GRIN2D: variants seen among roughly 807,000 people sequenced by gnomAD.
The protein encoded by GRIN2D is glutamate receptor ionotropic, NMDA 2D.
GRIN2D carries 37 observed loss-of-function variants against 103.2 expected under a neutral mutation model. The ratio of observed to expected loss-of-function variants is 0.36; its 90% confidence interval spans 0.28 to 0.47. GRIN2D has a LOEUF of 0.47. Ranked by LOEUF, GRIN2D falls within the 20% of genes least tolerant of loss-of-function variation. The pLI is 1.00. For synonymous variants in GRIN2D, 845 were observed against 885.6 expected, an observed-to-expected ratio of 0.95 and a Z score of 0.81; for missense variants, 1,557 against 1,910.6, an observed-to-expected ratio of 0.81 and a Z score of 3.45.
chr19:48,444,032 A>G lies in GRIN2D; in HGVS notation c.*95A>G. 1 of 837,104 alleles carries G rather than the reference A, an allele frequency of 1.2e-6. No homozygotes were observed. The highest frequency in any genetic ancestry group is 1.7e-6 in the Non-Finnish European group (1 of 600,082). 51.9% of individuals were successfully genotyped at this position (837,104 alleles called of 1,614,324 possible). ...ACAGGACCCGCGTGGGTTGGGAAGGAAAGCAGTGGAACTGGCCGGACCCCG... is the reference window on the plus strand; with the variant it reads ...ACAGGACCCGCGTGGGTTGGGAAGGGAAGCAGTGGAACTGGCCGGACCCCG... On this transcript the variant is annotated 3_prime_UTR_variant, in exon 14 of 14. Coordinates refer to ENST00000263269, the MANE Select transcript of GRIN2D (RefSeq NM_000836.4). The surrounding 1 kb of genome is among the most constrained non-coding windows in gnomAD (Gnocchi z 5.5).
In GRIN2D at chr19:48,414,066, G is replaced by C. The variant is rs752291617; in HGVS notation, c.1161G>C (p.Leu387=). The change falls in exon 5 of 14, where the codon CTG becomes CTC. Residue 387 remains leucine, a synonymous_variant. Transcript: ENST00000263269. This position sits in a 1 kb window ranked among gnomAD's most constrained non-coding sequence, Gnocchi z 4.6. The stretch of plus-strand genomic sequence containing the variant: ...ACGGCTTCCTAGTGAACCCCTCCCT[G>C]GTGGTCATCTCCCTCACCAGAGACA... ...NEDGFLVNPS[L]VVISLTRDRT... 1.3e-5 allele frequency: 21 copies of C among 1,611,906 alleles called. No homozygotes were observed. In the East Asian group the frequency reaches 4.7e-4, roughly 36 times the overall value.
intron 11 of GRIN2D, among the ~76,000 whole-genome samples, chr19:48,428,559 C>T (rs1306445439): frequency 6.6e-6 from 1 of 151,768 alleles, no homozygotes; most frequent in Non-Finnish European, 1.5e-5. Flanking sequence ...GACGGAGTTT[C>T]ACCATATTGC....
intron 11 of GRIN2D, among the ~76,000 whole-genome samples, chr19:48,439,424 C>A (rs1445060317): frequency 6.6e-6 from 1 of 152,128 alleles, no homozygotes; most frequent in Non-Finnish European, 1.5e-5. Flanking sequence ...ATGCCAGGAA[C>A]TATGCCCCAG....
chr19:48,442,537 G>A lies in GRIN2D; in HGVS notation c.2674-63G>A. Reference sequence around the variant, plus strand: ...TAAATGGAGAGGAGAGAGGGACTGAGGGGAGGCGGGCAGGCGTCCTGGGCA... The same window carrying A: ...TAAATGGAGAGGAGAGAGGGACTGAAGGGAGGCGGGCAGGCGTCCTGGGCA... On this transcript the variant is annotated intron_variant, in intron 13 of 13. Transcript: ENST00000263269. The surrounding 1 kb of genome is among the most constrained non-coding windows in gnomAD (Gnocchi z 7.2). 11 of 1,478,542 alleles carry A rather than the reference G, an allele frequency of 7.4e-6. No homozygotes were observed. The highest frequency in any genetic ancestry group is 9.8e-6 in the Non-Finnish European group (11 of 1,118,756). The allele number at this position is 1,478,542 out of a possible 1,614,324, so 91.6% of individuals were successfully genotyped here. A position where few individuals can be genotyped will look rare whatever the true frequency, so the allele number is the denominator to read the frequency against.
chr19:48,423,186 G>C (rs1971043821), intron 11 of GRIN2D, among the ~76,000 whole-genome samples: 1 of 152,076 alleles, frequency 6.6e-6, no homozygotes, highest in Admixed American at 6.6e-5. Context: ...ACTCCAGCCT[G>C]GGCAACAGAG....
intron 3 of GRIN2D, among the ~76,000 whole-genome samples, chr19:48,402,128 G>GAAAC (rs1189526344): frequency 8.0e-4 from 106 of 132,204 alleles, no homozygotes; most frequent in Non-Finnish European, 1.5e-3. Context: ...AAGAAAGAAA[G>GAAAC]AAAGAAAGAA....
chr19:48,398,871 G>T lies in GRIN2D; in HGVS notation c.465+14G>T, dbSNP rs921244386. 1 of 1,321,264 alleles carries T rather than the reference G, an allele frequency of 7.6e-7. No homozygotes were observed. The allele number at this position is 1,321,264 out of a possible 1,614,324, so 81.8% of individuals were successfully genotyped here. A position where few individuals can be genotyped will look rare whatever the true frequency, so the allele number is the denominator to read the frequency against. On this transcript the variant is annotated intron_variant, in intron 3 of 13. Coordinates refer to ENST00000263269, the MANE Select transcript of GRIN2D (RefSeq NM_000836.4). ...CTCACGCCCAAGGTGCGCGCGACCGGGGCGGGGCGGGGCCACAGGAGGGGC... is the reference window on the plus strand; with the variant it reads ...CTCACGCCCAAGGTGCGCGCGACCGTGGCGGGGCGGGGCCACAGGAGGGGC...
chr19:48,420,274 T>C (rs276708), intron 10 of GRIN2D, among the ~76,000 whole-genome samples: 1 of 151,224 alleles, frequency 6.6e-6, no homozygotes, highest in Non-Finnish European at 1.5e-5. Context: ...TAAAAGTACA[T>C]AAAATTAGCC....
At position 48,443,508 on chromosome 19, in the gene GRIN2D, T is replaced by C; in HGVS notation, c.3582T>C (p.His1194=). 7.4e-7 allele frequency: 1 copy of C among 1,348,886 alleles called. No individual in the cohort carries two copies. Among genetic ancestry groups the C allele is most frequent in the Non-Finnish European group, 9.5e-7 (1 of 1,050,976 alleles). 83.6% of individuals were successfully genotyped at this position (1,348,886 alleles called of 1,614,324 possible). A position where few individuals can be genotyped will look rare whatever the true frequency, so the allele number is the denominator to read the frequency against. The change falls in exon 14 of 14, where the codon CAT becomes CAC. Residue 1194 remains histidine, a synonymous_variant. Coordinates refer to ENST00000263269, the MANE Select transcript of GRIN2D (RefSeq NM_000836.4). The surrounding 1 kb of genome is among the most constrained non-coding windows in gnomAD (Gnocchi z 8.9). ...ASLELLPPPR[H]LSCSHDGLDG... ...TGGAGCTGCTGCCGCCGCCGCGCCA[T>C]CTCAGCTGCTCGCACGATGGCCTGG...
chr19:48,442,891 G>C lies in GRIN2D; in HGVS notation c.2965G>C (p.Gly989Arg). ...EARAAPRGAAGRPLSPPAAQP... is the reference protein window; with the variant it reads ...EARAAPRGAARRPLSPPAAQP... ...GCGCGCGGCACCGCGGGGCGCAGCC[G>C]GGCGCCCGCTGTCCCCGCCGGCCGC... Residue 989 changes from glycine to arginine, a missense_variant, in exon 14 of 14, where the codon GGG becomes CGG. By Grantham distance (125) the Gly-to-Arg change is moderately radical (BLOSUM62 -2). This residue lies in a region of GRIN2D where 632 missense variants were observed against 572.8 expected (regional missense o/e 1.10). Coordinates refer to ENST00000263269, the MANE Select transcript of GRIN2D (RefSeq NM_000836.4). The surrounding 1 kb of genome is among the most constrained non-coding windows in gnomAD (Gnocchi z 7.2). 1 of 1,090,206 alleles carries C rather than the reference G, an allele frequency of 9.2e-7. No homozygotes were observed. 67.5% of individuals were successfully genotyped at this position (1,090,206 alleles called of 1,614,324 possible).
At chr19:48,415,951 T>G (rs1270910447) in intron 7 of GRIN2D, 51 bp from the exon 8 acceptor site, 33 of 1,550,828 alleles carry the variant, frequency 2.1e-5, no homozygotes, top group Non-Finnish European at 2.8e-5. Context: ...CGTGTCAGTC[T>G]GTCCGCTTGA....
chr19:48,415,708 A>C (rs1009585071), intron 7 of GRIN2D, among the ~76,000 whole-genome samples: 2 of 151,056 alleles, frequency 1.3e-5, no homozygotes, highest in Non-Finnish European at 3.0e-5. Context: ...GGAGGGTGAG[A>C]ATCTAGGGGA....
At chr19:48,410,527 CAAAAAAAAAAAA>C in intron 4 of GRIN2D, among the ~76,000 whole-genome samples, 1 of 45,422 alleles carries the variant, frequency 2.2e-5, no homozygotes, top group South Asian at 1.3e-3. Context: ...GACTCTGACT[CAAAAAAAAAAAA>C]AAAAAAAAAA....
At chr19:48,437,814 A>T (rs1355165157) in intron 11 of GRIN2D, among the ~76,000 whole-genome samples, 1 of 152,224 alleles carries the variant, frequency 6.6e-6, no homozygotes, top group Non-Finnish European at 1.5e-5. Context: ...TTTGCCTACA[A>T]GGCAGAAGTG....
intron 8 of GRIN2D, 46 bp downstream of exon 8, chr19:48,416,201 C>G (rs1411062371): frequency 1.9e-6 from 3 of 1,559,350 alleles, no homozygotes; most frequent in Non-Finnish European, 2.6e-6. Context: ...GGCAAAGTAG[C>G]CGTCCCCAAC....
chr19:48,426,220 C>CTTTTTTTTTT (rs1253186603), intron 11 of GRIN2D, among the ~76,000 whole-genome samples: 8 of 127,108 alleles, frequency 6.3e-5, no homozygotes, highest in South Asian at 2.4e-4. Flanking sequence ...TTCTTTCTTT[C>CTTTTTTTTTT]TTTCTTTTTT....
chr19:48,417,077 T>C lies in GRIN2D; in HGVS notation c.1735+922T>C, dbSNP rs1263915227. Among the ~76,000 whole-genome samples the C allele has an allele frequency of 2.6e-5, 4 of 151,998 alleles. No individual in the cohort carries two copies. The East Asian group carries it at 7.7e-4, about 29-fold the overall frequency. On this transcript the variant is annotated intron_variant, in intron 8 of 13. Coordinates refer to ENST00000263269, the MANE Select transcript of GRIN2D (RefSeq NM_000836.4). ...TTAACTACAGAAGATGGTGTGGGGA[T>C]ATATAATCAGATTTAAGTTTTTAAA... is the stretch of plus-strand genomic sequence containing the variant.
At chr19:48,410,521 C>G (rs911213250) in intron 4 of GRIN2D, among the ~76,000 whole-genome samples, 5 of 84,372 alleles carry the variant, frequency 5.9e-5, no homozygotes, top group African/African-American at 3.0e-4. Flanking sequence ...GAGTGAGACT[C>G]TGACTCAAAA....
chr19:48,403,521 C>A (rs1050074792), intron 3 of GRIN2D, among the ~76,000 whole-genome samples: 1 of 152,056 alleles, frequency 6.6e-6, no homozygotes, highest in East Asian at 1.9e-4. Context: ...AACAGCCACC[C>A]TATTGGATAG....
Sources: gnomAD v4.1 joint callset for allele counts (sites outside exome capture counted in the v4.1 genomes callset) on GRCh38, gnomAD v4.1.1 for gene constraint, gnomAD v4.1.1 regional missense constraint, Gnocchi (gnomAD v3.1) non-coding constraint, MANE v1.5 for transcripts, NCBI Gene and HGNC (gene_info 2026-07-23, HGNC 2026-07-21) for gene names.